The following ELMO1 variants were observed in gnomAD, a reference collection of about 807,000 sequenced individuals.
ELMO1 encodes engulfment and cell motility 1, also known as engulfment and cell motility protein 1.
In ELMO1, 26 loss-of-function variants were observed where a neutral mutation model predicts 98.9. The ratio of observed to expected loss-of-function variants is 0.26; its 90% confidence interval spans 0.19 to 0.36. The LOEUF (loss-of-function observed/expected upper bound fraction) is 0.36, where lower values mean the gene tolerates loss of function less well. Ranked by LOEUF, ELMO1 falls within the 10% of genes least tolerant of loss-of-function variation. ELMO1 has a pLI of 1.00. For missense variants in ELMO1, 627 were observed against 935.2 expected (o/e 0.67, Z 4.30); for synonymous variants, 346 against 346.0 (o/e 1.00, Z 0.00).
chr7:37,413,964 C>T (rs1441560162), intron 1 of ELMO1, among the ~76,000 whole-genome samples: 1 of 152,136 alleles, frequency 6.6e-6, no homozygotes, highest in South Asian at 2.1e-4. Flanking sequence ...GGATGTTAGC[C>T]ACCACACCAG....
chr7:36,858,213 T>C (rs991592877), intron 21 of ELMO1, among the ~76,000 whole-genome samples: 1 of 152,214 alleles, frequency 6.6e-6, no homozygotes, highest in Non-Finnish European at 1.5e-5. Context: ...GGCCAGTTTC[T>C]CTTTATATAT....
intron 14 of ELMO1, among the ~76,000 whole-genome samples, chr7:37,132,275 C>G (rs975497341): frequency 2.6e-5 from 4 of 152,172 alleles, no homozygotes; most frequent in Non-Finnish European, 4.4e-5. Context: ...TAAGTTCAGC[C>G]TTACTCTTCC....
intron 16 of ELMO1, among the ~76,000 whole-genome samples, chr7:36,911,072 A>G (rs1272370586): frequency 1.3e-5 from 2 of 152,182 alleles, no homozygotes; most frequent in Non-Finnish European, 2.9e-5. Context: ...AGTATGAGAG[A>G]GAAAGGTGTT....
intron 13 of ELMO1, among the ~76,000 whole-genome samples, chr7:37,203,035 A>T (rs1227669323): frequency 6.6e-6 from 1 of 152,142 alleles, no homozygotes; most frequent in African/African-American, 2.4e-5. Flanking sequence ...AGAACCCACA[A>T]CGGTCCCTGG....
chr7:37,100,898 T>G (rs1324209443), intron 14 of ELMO1, among the ~76,000 whole-genome samples: 1 of 152,240 alleles, frequency 6.6e-6, no homozygotes, highest in African/African-American at 2.4e-5. Context: ...AGGCACTGCA[T>G]GTCTTTGTGA....
intron 14 of ELMO1, among the ~76,000 whole-genome samples, chr7:37,113,649 C>A (rs1451708964): frequency 6.6e-6 from 1 of 152,206 alleles, no homozygotes; most frequent in Non-Finnish European, 1.5e-5. Context: ...CGGAATTGCA[C>A]CCTTCCAAAA....
At chr7:37,321,180 T>C (rs1799471631) in intron 2 of ELMO1, among the ~76,000 whole-genome samples, 1 of 152,202 alleles carries the variant, frequency 6.6e-6, no homozygotes, top group Non-Finnish European at 1.5e-5. Flanking sequence ...CCTGGTATCC[T>C]TGTTTGTTCT....
intron 16 of ELMO1, among the ~76,000 whole-genome samples, chr7:36,912,448 G>A (rs1279972294): frequency 2.0e-5 from 3 of 152,188 alleles, no homozygotes; most frequent in Non-Finnish European, 2.9e-5. Context: ...GACGGAGACT[G>A]TGTAAATCAT....
At position 37,030,511 on chromosome 7, in the gene ELMO1, A is replaced by T. The variant is rs115579604; in HGVS notation, c.1301-17076T>A. Among the ~76,000 whole-genome samples, 95 of 152,320 alleles carry T rather than the reference A, an allele frequency of 6.2e-4. 1 individual carries two copies. Among genetic ancestry groups the T allele is most frequent in the African/African-American group, 2.2e-3 (92 of 41,572 alleles). ...TAATATAACGTACAATAAGATACCC[A>T]ATATGACAACATGGTTCTTAGTAAG... On this transcript the variant is annotated intron_variant, in intron 15 of 21. Coordinates refer to ENST00000310758, the MANE Select transcript of ELMO1 (RefSeq NM_014800.11).
chr7:37,067,719 A>C (rs1797058337), intron 15 of ELMO1, among the ~76,000 whole-genome samples: 1 of 152,212 alleles, frequency 6.6e-6, no homozygotes, highest in Admixed American at 6.5e-5. Context: ...CAACAGCTTG[A>C]AACTCACATA....
intron 15 of ELMO1, 106 bp from the exon 16 acceptor site, chr7:37,013,541 G>T: frequency 7.5e-7 from 1 of 1,329,260 alleles, no homozygotes; most frequent in Non-Finnish European, 1.0e-6. Flanking sequence ...AGGTATCTTT[G>T]GTTCAGGCAA....
Position 36,855,950 on chromosome 7 carries a change from G to A in ELMO1, c.1984-199C>T, listed in dbSNP as rs77422606. 7.0e-3 allele frequency among the ~76,000 whole-genome samples: 1,068 copies of A among 152,344 alleles called. 13 individuals carry two copies. The highest frequency in any genetic ancestry group is 0.024 in the African/African-American group (1,004 of 41,582). On this transcript the variant is annotated intron_variant, in intron 21 of 21. Coordinates refer to ENST00000310758, the MANE Select transcript of ELMO1 (RefSeq NM_014800.11). This position sits in a 1 kb window ranked among gnomAD's most constrained non-coding sequence, Gnocchi z 4.2. ...TCTCTGTTTTATAGGTGAAGGAACT[G>A]AGGTACAGAGAAGTGACTCAGTATT...
At chr7:37,178,901 A>G (rs1022728060) in intron 13 of ELMO1, among the ~76,000 whole-genome samples, 2 of 152,248 alleles carry the variant, frequency 1.3e-5, no homozygotes, top group Admixed American at 1.3e-4. Context: ...CGCAGGTTGA[A>G]TGAGACTATA....
chr7:37,342,657 T>G lies in ELMO1; in HGVS notation c.34A>C (p.Ile12Leu). Residue 12 changes from isoleucine to leucine, a missense_variant, in exon 2 of 22, where the codon ATA (isoleucine) becomes CTA (leucine). By Grantham distance (5) the Ile-to-Leu change is conservative. Coordinates refer to ENST00000310758, the MANE Select transcript of ELMO1 (RefSeq NM_014800.11). This position sits in a 1 kb window ranked among gnomAD's most constrained non-coding sequence, Gnocchi z 4.3. ...PPPADIVKVA[I>L]EWPGAYPKLM... Reference sequence around the variant, plus strand: ...TTGGGGTAGGCGCCCGGCCATTCTATGGCCACCTTGACGATGTCCGCGGGT... The same window carrying G: ...TTGGGGTAGGCGCCCGGCCATTCTAGGGCCACCTTGACGATGTCCGCGGGT... 1 of 1,612,872 alleles carries G rather than the reference T, an allele frequency of 6.2e-7. No homozygotes were observed. Among genetic ancestry groups the G allele is most frequent in the Non-Finnish European group, 8.5e-7 (1 of 1,179,638 alleles).
intron 13 of ELMO1, among the ~76,000 whole-genome samples, chr7:37,198,426 C>G (rs1391966826): frequency 2.0e-5 from 3 of 152,216 alleles, no homozygotes; most frequent in Non-Finnish European, 2.9e-5. Context: ...CAAGGCTTCT[C>G]AGAACTTAAC....
At chr7:37,176,865 G>C (rs1790526505) in intron 13 of ELMO1, among the ~76,000 whole-genome samples, 1 of 152,218 alleles carries the variant, frequency 6.6e-6, no homozygotes, top group South Asian at 2.1e-4. Flanking sequence ...CACAGTTATA[G>C]CTTTTAGACG....
intron 18 of ELMO1, among the ~76,000 whole-genome samples, chr7:36,880,195 G>C (rs1449354915): frequency 1.3e-5 from 2 of 152,212 alleles, no homozygotes; most frequent in Non-Finnish European, 2.9e-5. Context: ...GGCTGGGAAG[G>C]AAGACAGTGA....
intron 15 of ELMO1, among the ~76,000 whole-genome samples, chr7:37,073,368 CAT>C (rs1178696848): frequency 6.6e-6 from 1 of 152,144 alleles, no homozygotes; most frequent in African/African-American, 2.4e-5. Context: ...TATGCAAACA[CAT>C]GTATTTATGC....
intron 14 of ELMO1, among the ~76,000 whole-genome samples, chr7:37,119,800 T>C (rs1205566585): frequency 2.0e-5 from 3 of 152,186 alleles, no homozygotes; most frequent in Non-Finnish European, 4.4e-5. Flanking sequence ...TTTAAAGGCA[T>C]TTCTATTCTC....
Sources: gnomAD v4.1 joint callset for allele counts (sites outside exome capture counted in the v4.1 genomes callset) on GRCh38, gnomAD v4.1.1 for gene constraint, Gnocchi (gnomAD v3.1) non-coding constraint, MANE v1.5 for transcripts, NCBI Gene and HGNC (gene_info 2026-07-23, HGNC 2026-07-21) for gene names.